The following NTN1 variants were observed in gnomAD, a reference collection of about 807,000 sequenced individuals.
NTN1 encodes netrin-1.
A neutral mutation model predicts 54.2 loss-of-function variants in NTN1; 11 were observed. That is an observed-to-expected ratio of 0.20 (90% CI 0.13 to 0.34). NTN1 has a LOEUF of 0.34. Ranked by LOEUF, NTN1 falls within the 10% of genes least tolerant of loss-of-function variation. The pLI is 1.00. For missense variants in NTN1, 740 were observed against 893.1 expected (o/e 0.83, Z 2.18); for synonymous variants, 371 against 382.0 (o/e 0.97, Z 0.33).
At chr17:9,193,334 TG>T (rs950347362) in intron 5 of NTN1, among the ~76,000 whole-genome samples, 1 of 152,172 alleles carries the variant, frequency 6.6e-6, no homozygotes, top group Non-Finnish European at 1.5e-5. Context: ...GAGAAAAGCA[TG>T]GGGGACAGTT....
intron 2 of NTN1, among the ~76,000 whole-genome samples, chr17:9,066,657 C>G (rs2092015980): frequency 6.6e-6 from 1 of 150,582 alleles, no homozygotes; most frequent in Admixed American, 6.6e-5. Flanking sequence ...AGCAGATATA[C>G]AGAATGGTAG....
At chr17:9,067,768 C>A (rs756465866) in intron 2 of NTN1, among the ~76,000 whole-genome samples, 38 of 152,186 alleles carry the variant, frequency 2.5e-4, no homozygotes, top group African/African-American at 8.4e-4. Flanking sequence ...CTCTGCCCAT[C>A]TAGCCCCTCA....
chr17:9,142,059 G>A (rs1307598922), intron 2 of NTN1, among the ~76,000 whole-genome samples: 9 of 152,106 alleles, frequency 5.9e-5, no homozygotes, highest in East Asian at 5.8e-4. Context: ...CCCGGGAGGC[G>A]GAGCTTGCAG....
chr17:9,035,896 C>T (rs1257771607), intron 2 of NTN1, among the ~76,000 whole-genome samples: 1 of 152,164 alleles, frequency 6.6e-6, no homozygotes, highest in African/African-American at 2.4e-5. Context: ...GTGGTGCACG[C>T]CTGTAATCCT....
chr17:9,226,438 G>A (rs62068239), intron 6 of NTN1, among the ~76,000 whole-genome samples: 2 of 88,992 alleles, frequency 2.2e-5, no homozygotes, highest in South Asian at 3.2e-4. Context: ...GTGGGGAGGC[G>A]GTCTCGTGGG....
At chr17:9,187,176 G>C (rs941223467) in intron 5 of NTN1, among the ~76,000 whole-genome samples, 1 of 152,184 alleles carries the variant, frequency 6.6e-6, no homozygotes, top group Non-Finnish European at 1.5e-5. Flanking sequence ...GGTTGAGCCA[G>C]CTTCTCCATC....
chr17:9,223,784 C>G (rs1905445341), intron 6 of NTN1, among the ~76,000 whole-genome samples: 1 of 152,204 alleles, frequency 6.6e-6, no homozygotes, highest in South Asian at 2.1e-4. Context: ...GTCCTCCTAG[C>G]AAAGCGGTGG....
intron 5 of NTN1, among the ~76,000 whole-genome samples, chr17:9,201,430 A>G (rs1904782597): frequency 6.6e-6 from 1 of 152,200 alleles, no homozygotes; most frequent in Admixed American, 6.5e-5. Flanking sequence ...ATAAGGCCTG[A>G]TTTCCAAGGG....
At chr17:9,036,834 T>C (rs2091905060) in intron 2 of NTN1, among the ~76,000 whole-genome samples, 1 of 152,176 alleles carries the variant, frequency 6.6e-6, no homozygotes, top group African/African-American at 2.4e-5. Context: ...TTTCCAACCC[T>C]ACCCCTCCAC....
intron 2 of NTN1, among the ~76,000 whole-genome samples, 186 bp from the exon 3 acceptor site, chr17:9,162,627 G>A (rs1050023901): frequency 6.6e-6 from 1 of 152,194 alleles, no homozygotes; most frequent in Non-Finnish European, 1.5e-5. Context: ...ATTGTTACGT[G>A]CCCAATAAAT....
chr17:9,040,555 C>T (rs1316996754), intron 2 of NTN1, among the ~76,000 whole-genome samples: 1 of 152,008 alleles, frequency 6.6e-6, no homozygotes, highest in Non-Finnish European at 1.5e-5. Flanking sequence ...ATATTTTAGC[C>T]CTTCTTTTCC....
chr17:9,154,667 CG>C (rs1567723618), intron 2 of NTN1, among the ~76,000 whole-genome samples: 1 of 151,932 alleles, frequency 6.6e-6, no homozygotes, highest in African/African-American at 2.4e-5. Flanking sequence ...ACACTGGAGG[CG>C]GAATACCTAA....
chr17:9,086,224 C>T (rs1460145363), intron 2 of NTN1, among the ~76,000 whole-genome samples: 3 of 151,938 alleles, frequency 2.0e-5, no homozygotes, highest in Admixed American at 2.0e-4. Flanking sequence ...ACAAATAAGC[C>T]GAGTGCAGTG....
intron 2 of NTN1, among the ~76,000 whole-genome samples, chr17:9,079,358 C>CT (rs1026416708): frequency 6.6e-6 from 1 of 152,188 alleles, no homozygotes; most frequent in African/African-American, 2.4e-5. Context: ...CAGCTTTGGA[C>CT]TTTTTTCTAG....
intron 2 of NTN1, among the ~76,000 whole-genome samples, chr17:9,055,242 C>T (rs2091975262): frequency 6.6e-6 from 1 of 152,338 alleles, no homozygotes; most frequent in South Asian, 2.1e-4. Context: ...ATTCATGACT[C>T]ATCCATTCAC....
At chr17:9,209,062 C>T (rs993759819) in intron 5 of NTN1, among the ~76,000 whole-genome samples, 5 of 152,248 alleles carry the variant, frequency 3.3e-5, no homozygotes, top group African/African-American at 1.2e-4. Context: ...CAGTTGGCAG[C>T]ACCTTCTCAT....
At chr17:9,068,470 C>T (rs1304561277) in intron 2 of NTN1, among the ~76,000 whole-genome samples, 1 of 151,774 alleles carries the variant, frequency 6.6e-6, no homozygotes, top group East Asian at 1.9e-4. Context: ...CAGGTGTGAG[C>T]TGCTGCACCT....
At chr17:9,129,076 A>G (rs1272558581) in intron 2 of NTN1, among the ~76,000 whole-genome samples, 1 of 152,200 alleles carries the variant, frequency 6.6e-6, no homozygotes. Context: ...TATCCAAGGC[A>G]GCGCTCACTT....
intron 2 of NTN1, among the ~76,000 whole-genome samples, chr17:9,124,792 A>G (rs1164093454): frequency 6.6e-6 from 1 of 152,192 alleles, no homozygotes; most frequent in Admixed American, 6.5e-5. Context: ...AAACCCTGGG[A>G]CATGACGGCA....
Sources: gnomAD v4.1 joint callset for allele counts (sites outside exome capture counted in the v4.1 genomes callset) on GRCh38, gnomAD v4.1.1 for gene constraint, MANE v1.5 for transcripts, NCBI Gene and HGNC (gene_info 2026-07-23, HGNC 2026-07-21) for gene names.